NCAM2: variants seen among roughly 807,000 people sequenced by gnomAD.
The protein encoded by NCAM2 is neural cell adhesion molecule 2, also known as N-CAM-2.
In NCAM2, 30 loss-of-function variants were observed where a neutral mutation model predicts 98.1. The ratio of observed to expected loss-of-function variants is 0.31; its 90% CI spans 0.23 to 0.41. The LOEUF (loss-of-function observed/expected upper bound fraction) is 0.41, where lower values mean the gene tolerates loss of function less well. Among genes scored for constraint, NCAM2 ranks in the 10% least tolerant of loss-of-function variants. The pLI, the probability that NCAM2 is intolerant of heterozygous loss-of-function variation, is 1.00. For missense variants in NCAM2, 867 were observed against 1,005.8 expected (o/e 0.86, Z 1.87); for synonymous variants, 368 against 342.4 (o/e 1.07, Z -0.83).
chr21:21,136,848 A>G (rs1326326778), intron 1 of NCAM2, among the ~76,000 whole-genome samples: 1 of 152,046 alleles, frequency 6.6e-6, no homozygotes, highest in Non-Finnish European at 1.5e-5. Flanking sequence ...GCAAAGGGAA[A>G]GTTAAACAAC....
chr21:21,094,885 G>A (rs2066088809), intron 1 of NCAM2, among the ~76,000 whole-genome samples: 1 of 151,672 alleles, frequency 6.6e-6, no homozygotes, highest in African/African-American at 2.4e-5. Flanking sequence ...CACAATCAGT[G>A]CATAATGAAG....
intron 5 of NCAM2, among the ~76,000 whole-genome samples, chr21:21,299,573 C>G (rs894290149): frequency 6.6e-6 from 1 of 151,592 alleles, no homozygotes; most frequent in African/African-American, 2.4e-5. Flanking sequence ...CTCTCTCTCT[C>G]TCTCTTTCTC....
chr21:21,215,322 G>A (rs962533351), intron 1 of NCAM2, among the ~76,000 whole-genome samples: 2 of 152,136 alleles, frequency 1.3e-5, no homozygotes, highest in Non-Finnish European at 2.9e-5. Context: ...TCATGTTAGA[G>A]CAGCAACATT....
intron 5 of NCAM2, among the ~76,000 whole-genome samples, chr21:21,304,792 T>G (rs1160481875): frequency 1.3e-5 from 2 of 152,182 alleles, no homozygotes; most frequent in African/African-American, 4.8e-5. Flanking sequence ...CAGGTCTCTT[T>G]AATTTCTCTC....
chr21:21,131,511 G>A (rs1176006442), intron 1 of NCAM2, among the ~76,000 whole-genome samples: 1 of 152,142 alleles, frequency 6.6e-6, no homozygotes. Context: ...AACCTCAGGT[G>A]ATCCACCCGC....
At chr21:21,270,803 A>G (rs2072468521) in intron 1 of NCAM2, among the ~76,000 whole-genome samples, 1 of 151,788 alleles carries the variant, frequency 6.6e-6, no homozygotes, top group Non-Finnish European at 1.5e-5. Context: ...TTCAAAACCT[A>G]TTTGATTTTT....
intron 1 of NCAM2, among the ~76,000 whole-genome samples, chr21:21,141,300 GTT>G (rs2067163844): frequency 1.3e-5 from 2 of 152,140 alleles, no homozygotes; most frequent in Admixed American, 1.3e-4. Context: ...GCACATATTT[GTT>G]GTCTGGTGTC....
intron 3 of NCAM2, among the ~76,000 whole-genome samples, chr21:21,284,689 G>A (rs2073043092): frequency 6.6e-6 from 1 of 151,494 alleles, no homozygotes; most frequent in South Asian, 2.1e-4. Flanking sequence ...GGTTTATTTA[G>A]TGGTATGATA....
intron 1 of NCAM2, among the ~76,000 whole-genome samples, chr21:21,046,388 A>G (rs773842138): frequency 1.1e-4 from 17 of 152,186 alleles, no homozygotes; most frequent in Non-Finnish European, 1.8e-4. Flanking sequence ...GAGGTCGAAT[A>G]TGTGACCTCA....
At chr21:21,135,478 T>C (rs1456177196) in intron 1 of NCAM2, among the ~76,000 whole-genome samples, 1 of 152,200 alleles carries the variant, frequency 6.6e-6, no homozygotes. Context: ...AACACCTCGA[T>C]AGAACTGAAG....
chr21:21,298,571 T>A lies in NCAM2; in HGVS notation c.619+6330T>A, dbSNP rs572057005. Among the ~76,000 whole-genome samples, 15 of 148,924 alleles carry A rather than the reference T, an allele frequency of 1.0e-4. No individual in the cohort carries two copies. The South Asian group carries it at 3.2e-3, about 32-fold the overall frequency. ...TCAGAAATTTTTAGTTTATATAAAC[T>A]AGAGAAATGATAGATACAGATAGAT... On this transcript the variant is annotated intron_variant, in intron 5 of 17. Coordinates refer to ENST00000400546, the MANE Select transcript of NCAM2 (RefSeq NM_004540.5).
At chr21:21,360,675 C>T (rs1247039376) in intron 8 of NCAM2, among the ~76,000 whole-genome samples, 1 of 151,832 alleles carries the variant, frequency 6.6e-6, no homozygotes, top group Non-Finnish European at 1.5e-5. Flanking sequence ...TATGTATATG[C>T]CAGTCTTTTT....
intron 5 of NCAM2, among the ~76,000 whole-genome samples, chr21:21,305,589 A>G (rs2034845877): frequency 5.9e-5 from 1 of 17,000 alleles, no homozygotes; most frequent in South Asian, 4.2e-3. Flanking sequence ...ACCTTTTCCT[A>G]AATTACTGAG....
At chr21:21,453,428 A>G (rs1981639409) in intron 12 of NCAM2, among the ~76,000 whole-genome samples, 1 of 151,986 alleles carries the variant, frequency 6.6e-6, no homozygotes, top group Non-Finnish European at 1.5e-5. Context: ...GTAGGAGTAG[A>G]CAGATAGCCA....
chr21:21,411,145 T>TAC (rs1400048739), intron 10 of NCAM2, among the ~76,000 whole-genome samples: 3 of 94,338 alleles, frequency 3.2e-5, no homozygotes, highest in Non-Finnish European at 4.7e-5. Flanking sequence ...TGTATATATA[T>TAC]ATACATATAT....
chr21:21,214,912 T>C (rs1357471612), intron 1 of NCAM2, among the ~76,000 whole-genome samples: 2 of 151,534 alleles, frequency 1.3e-5, no homozygotes, highest in Non-Finnish European at 2.9e-5. Flanking sequence ...ATTGTCTTAT[T>C]AGAAGGGCTT....
intron 1 of NCAM2, among the ~76,000 whole-genome samples, chr21:21,167,996 A>G (rs924143074): frequency 3.3e-5 from 5 of 152,240 alleles, no homozygotes; most frequent in Admixed American, 1.3e-4. Flanking sequence ...ACATGAAGAT[A>G]TTATAAGAAA....
At chr21:21,478,690 A>G (rs1985472721) in intron 15 of NCAM2, among the ~76,000 whole-genome samples, 1 of 152,186 alleles carries the variant, frequency 6.6e-6, no homozygotes, top group South Asian at 2.1e-4. Context: ...CCTGGAAATA[A>G]CACTGGTATG....
At chr21:21,207,679 A>G (rs117493317) in intron 1 of NCAM2, among the ~76,000 whole-genome samples, 2,622 of 152,206 alleles carry the variant, frequency 0.017, 52 homozygotes, top group Admixed American at 0.038. Flanking sequence ...CATTCCAAAT[A>G]CCTATTCCAG....
Sources: gnomAD v4.1 joint callset for allele counts (sites outside exome capture counted in the v4.1 genomes callset) on GRCh38, gnomAD v4.1.1 for gene constraint, MANE v1.5 for transcripts, NCBI Gene and HGNC (gene_info 2026-07-23, HGNC 2026-07-21) for gene names.